Variants in MAG observed in about 807,000 individuals in gnomAD.
MAG encodes the protein myelin associated glycoprotein.
Under a neutral mutation model 60.7 loss-of-function variants are expected in MAG, and 30 were observed. The observed-to-expected ratio is 0.49, with a 90% CI of 0.37 to 0.67. The LOEUF (loss-of-function observed/expected upper bound fraction) is 0.67, where lower values mean the gene tolerates loss of function less well. Among genes scored for constraint, MAG ranks in the 30% least tolerant of loss-of-function variants. The pLI, the probability that MAG is intolerant of heterozygous loss-of-function variation, is 0.00. For missense variants in MAG, 795 were observed against 851.7 expected, an observed-to-expected ratio of 0.93 and a Z score of 0.83; for synonymous variants, 384 against 376.8, an observed-to-expected ratio of 1.02 and a Z score of -0.22.
intron 7 of MAG, among the ~76,000 whole-genome samples, chr19:35,307,665 C>T (rs573392867): frequency 3.3e-5 from 5 of 151,912 alleles, no homozygotes; most frequent in East Asian, 1.9e-4. Flanking sequence ...CCAGCCTGGG[C>T]GACAGAGAGA....
At chr19:35,305,177 C>G (rs2066475111) in intron 7 of MAG, among the ~76,000 whole-genome samples, 1 of 152,182 alleles carries the variant, frequency 6.6e-6, no homozygotes, top group Non-Finnish European at 1.5e-5. Context: ...TACTCTTCAC[C>G]CAGGCCTGTG....
chr19:35,310,999 G>T (rs547448089), intron 9 of MAG, among the ~76,000 whole-genome samples: 1 of 151,168 alleles, frequency 6.6e-6, no homozygotes, highest in Non-Finnish European at 1.5e-5. Context: ...TCCACTTGAC[G>T]CCAGAAGCCC....
At chr19:35,303,300 T>C (rs963707560) in intron 7 of MAG, among the ~76,000 whole-genome samples, 5 of 152,210 alleles carry the variant, frequency 3.3e-5, no homozygotes, top group Admixed American at 6.5e-5. Context: ...ACAATGACCA[T>C]GATCTCTAAC....
At chr19:35,305,440 T>A (rs536542873) in intron 7 of MAG, among the ~76,000 whole-genome samples, 1 of 152,176 alleles carries the variant, frequency 6.6e-6, no homozygotes, top group Non-Finnish European at 1.5e-5. Context: ...ATTTTGTTCT[T>A]ACAACCATGT....
rs1442072221 is a variant in MAG at position 35,312,341 on chromosome 19, C to T, written c.1716+324C>T. The T allele has an allele frequency of 1.9e-6, 3 of 1,609,660 alleles. No individual in the cohort carries two copies. The South Asian group carries it at 3.3e-5, about 18-fold the overall frequency. On this transcript the variant is annotated intron_variant, in intron 10 of 10. Transcript: ENST00000392213. ...GCCCCAGGAGGTAGGTTCCGGGGGC[C>T]TCAGTGTGCCCTCCTCTGGGCCCTC... is the stretch of plus-strand genomic sequence containing the variant.
intron 8 of MAG, 128 bp from the exon 9 acceptor site, chr19:35,310,415 CCAAT>C: frequency 2.3e-6 from 2 of 871,304 alleles, no homozygotes; most frequent in South Asian, 3.1e-5. Context: ...AGGCTCCGTG[CCAAT>C]CAGTCAGTGC....
chr19:35,304,070 A>G (rs1047170739), intron 7 of MAG, among the ~76,000 whole-genome samples: 3 of 152,188 alleles, frequency 2.0e-5, no homozygotes, highest in Non-Finnish European at 2.9e-5. Context: ...TACACAGTAC[A>G]TGCTCTGTGC....
intron 4 of MAG, among the ~76,000 whole-genome samples, chr19:35,298,645 G>GCA (rs1401146054): frequency 3.5e-5 from 4 of 113,768 alleles, no homozygotes; most frequent in Admixed American, 2.6e-4. Flanking sequence ...ACTACACACA[G>GCA]CACACACACA....
In MAG at chr19:35,302,602, G is replaced by A. The variant is rs760995855; in HGVS notation, c.1125G>A (p.Leu375=). The change falls in exon 7 of 11, where the codon CTG becomes CTA. Residue 375 remains leucine (L), a synonymous_variant. Coordinates refer to ENST00000392213, the MANE Select transcript of MAG (RefSeq NM_002361.4). ...ILSTVIYESE[L]QLELPAVSPE... is the part of the protein sequence containing the mutation. Reference sequence around the variant, plus strand: ...CCACGGTCATCTACGAGAGCGAGCTGCAGCTGGAGCTGCCGGCCGTGTCAC... The same window carrying A: ...CCACGGTCATCTACGAGAGCGAGCTACAGCTGGAGCTGCCGGCCGTGTCAC... The A allele has an allele frequency of 1.2e-6, 2 of 1,614,238 alleles. No homozygotes were observed. The highest frequency in any genetic ancestry group is 2.2e-5 in the South Asian group (2 of 91,086).
At chr19:35,305,712 T>C (rs1021789620) in intron 7 of MAG, among the ~76,000 whole-genome samples, 2 of 152,186 alleles carry the variant, frequency 1.3e-5, no homozygotes, top group Non-Finnish European at 2.9e-5. Context: ...CCCAGCACTT[T>C]GGGAGGCTGA....
At chr19:35,313,178 A>G in intron 10 of MAG, 112 bp from the exon 11 acceptor site, 2 of 1,175,244 alleles carry the variant, frequency 1.7e-6, no homozygotes, top group Non-Finnish European at 2.3e-6. Flanking sequence ...AGGTTCTCGC[A>G]GGGATTTATT....
chr19:35,299,557 C>A lies in MAG; in HGVS notation c.419C>A (p.Thr140Asn), dbSNP rs1355587890. 3 of 1,587,984 alleles carry A rather than the reference C, an allele frequency of 1.9e-6. No homozygotes were observed. The highest frequency in any genetic ancestry group is 2.3e-5 in the East Asian group (1 of 43,930). The change falls in exon 5 of 11, where the codon ACC becomes AAC. Residue 140 changes from threonine to asparagine, a missense_variant. Transcript: ENST00000392213. ...SEHSVLDIVNTPNIVVPPEVV... is the reference protein window; with the variant it reads ...SEHSVLDIVNNPNIVVPPEVV... ...TCCCTTTCCCCGCCTCGTATAGACA[C>A]CCCCAACATCGTGGTGCCCCCAGAG... is the stretch of plus-strand genomic sequence containing the variant.
At chr19:35,310,673 T>C (rs557895821) in intron 9 of MAG, 30 bp downstream of exon 9, 2 of 1,604,150 alleles carry the variant, frequency 1.2e-6, no homozygotes, top group African/African-American at 2.7e-5. Flanking sequence ...GATCTGGGGA[T>C]GGGAGTCTCC....
At chr19:35,312,242 C>T (rs1295502732) in intron 10 of MAG, 43 of 1,599,406 alleles carry the variant, frequency 2.7e-5, no homozygotes, top group Non-Finnish European at 3.5e-5. Context: ...CCCCTCCCCT[C>T]CCTGCCTGTG....
At chr19:35,305,176 C>T (rs1196190175) in intron 7 of MAG, among the ~76,000 whole-genome samples, 1 of 152,158 alleles carries the variant, frequency 6.6e-6, no homozygotes, top group Admixed American at 6.5e-5. Flanking sequence ...CTACTCTTCA[C>T]CCAGGCCTGT....
At chr19:35,296,794 T>G (rs1428746523) in intron 4 of MAG, among the ~76,000 whole-genome samples, 1 of 150,208 alleles carries the variant, frequency 6.7e-6, no homozygotes, top group African/African-American at 2.5e-5. Context: ...CACTGCACAC[T>G]CTACCTACAC....
chr19:35,299,043 C>CCACACACACACACA (rs112793426), intron 4 of MAG, among the ~76,000 whole-genome samples: 1 of 149,042 alleles, frequency 6.7e-6, no homozygotes, highest in Non-Finnish European at 1.5e-5. Flanking sequence ...CACACCCACA[C>CCACACACACACACA]CACACACACA....
At chr19:35,311,211 G>A (rs2145626567) in intron 9 of MAG, among the ~76,000 whole-genome samples, 1 of 152,176 alleles carries the variant, frequency 6.6e-6, no homozygotes, top group East Asian at 1.9e-4. Flanking sequence ...GGCACACACT[G>A]TAGTCCCAGC....
intron 6 of MAG, 147 bp downstream of exon 6, chr19:35,300,551 C>T: frequency 1.0e-6 from 1 of 977,596 alleles, no homozygotes; most frequent in Non-Finnish European, 1.4e-6. Context: ...GGTTGCAAGT[C>T]AAGGTGTACC....
Sources: allele counts gnomAD v4.1 joint callset (sites outside exome capture counted in the v4.1 genomes callset), GRCh38; gene constraint gnomAD v4.1.1; transcripts MANE v1.5; gene names NCBI Gene and HGNC (gene_info 2026-07-23, HGNC 2026-07-21).